Variants in PSD3 observed in about 807,000 individuals in gnomAD.
PSD3 encodes PH and SEC7 domain-containing protein 3.
Under a neutral mutation model 105.5 loss-of-function variants are expected in PSD3, and 49 were observed. That is an observed-to-expected ratio of 0.46 (90% confidence interval 0.37 to 0.59). The LOEUF (loss-of-function observed/expected upper bound fraction) is 0.59. Among genes scored for constraint, PSD3 ranks in the 20% least tolerant of loss-of-function variants. The pLI is 0.00. For missense variants in PSD3, 1,561 were observed against 1,263.8 expected (o/e 1.24, Z -3.57); for synonymous variants, 557 against 457.8 (o/e 1.22, Z -2.77).
intron 9 of PSD3, among the ~76,000 whole-genome samples, chr8:18,728,418 A>G (rs1039520421): frequency 5.3e-5 from 8 of 152,230 alleles, no homozygotes; most frequent in African/African-American, 1.9e-4. Context: ...ATGACAGGGA[A>G]GGCTTCTCAG....
intron 11 of PSD3, among the ~76,000 whole-genome samples, chr8:18,628,948 A>C (rs140824384): frequency 1.3e-5 from 2 of 152,118 alleles, no homozygotes; most frequent in African/African-American, 4.8e-5. Flanking sequence ...CAACTATACT[A>C]ATAACTACTA....
intron 11 of PSD3, among the ~76,000 whole-genome samples, chr8:18,628,307 A>G (rs1419409192): frequency 6.6e-6 from 1 of 152,004 alleles, no homozygotes; most frequent in Non-Finnish European, 1.5e-5. Context: ...TGAAAACCAG[A>G]GATAGAAAAA....
At chr8:18,567,832 T>C (rs916495013) in intron 14 of PSD3, among the ~76,000 whole-genome samples, 1 of 152,216 alleles carries the variant, frequency 6.6e-6, no homozygotes, top group Non-Finnish European at 1.5e-5. Context: ...GTTTGGATGC[T>C]TGTCCCCTCC....
At position 19,070,486 on chromosome 8, in the gene PSD3, A is replaced by T. The variant is rs537793684; in HGVS notation, c.324+13720T>A. Among the ~76,000 whole-genome samples the T allele has an allele frequency of 4.6e-5, 7 of 152,078 alleles. No homozygotes were observed. The East Asian group carries it at 1.4e-3, about 29-fold the overall frequency. On this transcript the variant is annotated intron_variant, in intron 1 of 1. Coordinates refer to the PSD3 transcript ENST00000521475. Reference sequence around the variant, plus strand: ...AGGTCAGGAGTTCAAGACCAGCTTGACCAACATGGTGAAACGCTATCTCTA... The same window carrying T: ...AGGTCAGGAGTTCAAGACCAGCTTGTCCAACATGGTGAAACGCTATCTCTA...
At chr8:18,906,358 T>C (rs1266866278) in intron 2 of PSD3, among the ~76,000 whole-genome samples, 2 of 152,186 alleles carry the variant, frequency 1.3e-5, no homozygotes, top group African/African-American at 2.4e-5. Flanking sequence ...AATGCACTAA[T>C]AAGATGTGGC....
At position 18,628,703 on chromosome 8, in the gene PSD3, T is replaced by C. The variant is rs542650014; in HGVS notation, c.2410+3910A>G. ...CTAGGAAGAGATAAGGGGAATTAAC[T>C]TGCTATAAGGGTCTCAAACCATAAA... On this transcript the variant is annotated intron_variant, in intron 11 of 15. Transcript: ENST00000327040. Among the ~76,000 whole-genome samples, 4 of 152,074 alleles carry C rather than the reference T, an allele frequency of 2.6e-5. No homozygotes were observed. The South Asian group carries it at 8.3e-4, about 32-fold the overall frequency.
intron 2 of PSD3, among the ~76,000 whole-genome samples, chr8:18,908,303 T>G (rs1819975558): frequency 6.6e-6 from 1 of 152,138 alleles, no homozygotes; most frequent in Non-Finnish European, 1.5e-5. Context: ...AAATCACCAT[T>G]TTTTGGATTA....
At chr8:18,731,579 A>G (rs1377805209) in intron 9 of PSD3, among the ~76,000 whole-genome samples, 1 of 152,206 alleles carries the variant, frequency 6.6e-6, no homozygotes, top group Admixed American at 6.5e-5. Flanking sequence ...AGAAACAATA[A>G]ATCTTTTAAG....
intron 9 of PSD3, among the ~76,000 whole-genome samples, chr8:18,682,387 AT>A (rs1387539996): frequency 1.1e-4 from 16 of 152,230 alleles, no homozygotes; most frequent in African/African-American, 3.9e-4. Context: ...ACATACATTT[AT>A]TTAAGAATAT....
intron 4 of PSD3, among the ~76,000 whole-genome samples, chr8:18,834,825 T>A (rs1813972149): frequency 6.6e-6 from 1 of 152,180 alleles, no homozygotes; most frequent in African/African-American, 2.4e-5. Flanking sequence ...ATCCTGTTCT[T>A]GGATATAAAC....
chr8:18,827,371 G>T (rs1327538805), intron 4 of PSD3, among the ~76,000 whole-genome samples: 1 of 152,148 alleles, frequency 6.6e-6, no homozygotes, highest in Non-Finnish European at 1.5e-5. Context: ...AGACTGAATG[G>T]CTTGTCCAAA....
At chr8:18,894,029 CT>C (rs1563393065) in intron 2 of PSD3, among the ~76,000 whole-genome samples, 1 of 152,158 alleles carries the variant, frequency 6.6e-6, no homozygotes, top group African/African-American at 2.4e-5. Flanking sequence ...CAAATGTACC[CT>C]AAGTCAGTCA....
chr8:18,823,421 T>C (rs1490929363), intron 4 of PSD3, among the ~76,000 whole-genome samples: 1 of 152,050 alleles, frequency 6.6e-6, no homozygotes, highest in African/African-American at 2.4e-5. Context: ...AAAATACAAG[T>C]AAAGTGGCAA....
At chr8:18,995,691 C>T (rs1354253681) in intron 1 of PSD3, among the ~76,000 whole-genome samples, 2 of 152,056 alleles carry the variant, frequency 1.3e-5, no homozygotes, top group Non-Finnish European at 2.9e-5. Context: ...GAAGGCCTCA[C>T]AACCATGGAG....
At chr8:18,594,419 A>G (rs1294811706) in intron 12 of PSD3, among the ~76,000 whole-genome samples, 4 of 122,754 alleles carry the variant, frequency 3.3e-5, no homozygotes, top group African/African-American at 9.9e-5. Context: ...TATAAATAAT[A>G]TACATTATAT....
intron 8 of PSD3, among the ~76,000 whole-genome samples, chr8:18,798,660 T>C (rs1226752525): frequency 6.6e-6 from 1 of 151,848 alleles, no homozygotes; most frequent in East Asian, 1.9e-4. Flanking sequence ...GACTAATCTA[T>C]ACTTACTTAG....
At chr8:18,550,190 C>T (rs977839652) in intron 15 of PSD3, among the ~76,000 whole-genome samples, 2 of 152,210 alleles carry the variant, frequency 1.3e-5, no homozygotes, top group African/African-American at 2.4e-5. Context: ...TGATTGGCTG[C>T]TTATTCTTCC....
At chr8:18,923,547 T>A (rs946673065) in intron 2 of PSD3, among the ~76,000 whole-genome samples, 6 of 152,174 alleles carry the variant, frequency 3.9e-5, no homozygotes, top group Non-Finnish European at 5.9e-5. Context: ...TTTTCTATGT[T>A]TAGACATACA....
intron 15 of PSD3, among the ~76,000 whole-genome samples, chr8:18,555,955 C>T (rs536938047): frequency 2.6e-5 from 4 of 152,290 alleles, no homozygotes; most frequent in East Asian, 3.9e-4. Flanking sequence ...TCACAGCGGG[C>T]GCACACTATT....
Sources: allele counts gnomAD v4.1 joint callset (sites outside exome capture counted in the v4.1 genomes callset), GRCh38; gene constraint gnomAD v4.1.1; transcripts MANE v1.5; gene names NCBI Gene and HGNC (gene_info 2026-07-23, HGNC 2026-07-21).